The following FSD1L variants were observed in gnomAD, a reference collection of about 807,000 sequenced individuals.
FSD1L encodes FSD1-like protein.
A neutral mutation model predicts 71.6 loss-of-function variants in FSD1L; 45 were observed. The observed-to-expected ratio is 0.63, with a 90% confidence interval of 0.49 to 0.81. The LOEUF is 0.81. Ranked by LOEUF, FSD1L falls within the 30% of genes least tolerant of loss-of-function variation. The pLI, the probability that FSD1L is intolerant of heterozygous loss-of-function variation, is 0.00. For missense variants in FSD1L, 561 were observed against 618.1 expected (o/e 0.91, Z 0.98); for synonymous variants, 197 against 207.2 (o/e 0.95, Z 0.42).
chr9:105,526,125 T>C, intron 10 of FSD1L: 1 of 1,558,644 alleles, frequency 6.4e-7, no homozygotes, highest in Non-Finnish European at 8.8e-7. Flanking sequence ...CCCTTTTTGA[T>C]GGTGCTATTG....
chr9:105,547,212 C>T lies in FSD1L; in HGVS notation c.*729C>T, dbSNP rs1197647085. 2.1e-4 allele frequency: 32 copies of T among 152,406 alleles called. No individual in the cohort carries two copies. Among genetic ancestry groups the T allele is most frequent in the Admixed American group, 2.1e-3 (32 of 15,244 alleles). 9.4% of individuals were successfully genotyped at this position (152,406 alleles called of 1,614,324 possible). On this transcript the variant is annotated 3_prime_UTR_variant, in exon 14 of 14. Transcript: ENST00000481272. ...TTAACTACAGTTCTTTTCATTCCAT[C>T]ACTTTAGGTGATGGGTAAGATTTTT...
chr9:105,458,813 T>A (rs1300772727), intron 1 of FSD1L, among the ~76,000 whole-genome samples: 1 of 152,198 alleles, frequency 6.6e-6, no homozygotes, highest in East Asian at 1.9e-4. Context: ...CTCCTGCTGC[T>A]ATCACTAGAA....
chr9:105,464,206 A>G (rs748451838), intron 2 of FSD1L, 30 bp from the exon 3 acceptor site: 10 of 1,110,366 alleles, frequency 9.0e-6, no homozygotes, highest in Admixed American at 2.5e-5. Context: ...CCATTGAAAT[A>G]TAGTATTTTA....
intron 9 of FSD1L, 64 bp downstream of exon 9, chr9:105,508,779 T>C (rs1392271229): frequency 2.0e-6 from 2 of 979,152 alleles, no homozygotes; most frequent in Non-Finnish European, 3.0e-6. Flanking sequence ...ATTCATAACT[T>C]TGTAACAGGA....
intron 10 of FSD1L, chr9:105,521,532 G>T: frequency 6.2e-7 from 1 of 1,613,924 alleles, no homozygotes; most frequent in Non-Finnish European, 8.5e-7. Context: ...TTGTGAAGCA[G>T]CAGCTATGAG....
At chr9:105,458,816 C>T (rs1347143456) in intron 1 of FSD1L, among the ~76,000 whole-genome samples, 1 of 152,196 alleles carries the variant, frequency 6.6e-6, no homozygotes, top group Non-Finnish European at 1.5e-5. Flanking sequence ...CTGCTGCTAT[C>T]ACTAGAACCA....
rs139618169 is a variant in FSD1L, at chr9:105,548,868, GT to G, written c.*2391del. 2 of 151,984 alleles carry G rather than the reference GT, an allele frequency of 1.3e-5. No homozygotes were observed. Among genetic ancestry groups the G allele is most frequent in the African/African-American group, 4.8e-5 (2 of 41,410 alleles). 9.4% of individuals were successfully genotyped at this position (151,984 alleles called of 1,614,324 possible). ...CTCTAAAATTAAAGAACAAGATGTG[GT>G]TTTTTGTTTAAGACGTTTTTAGTTT... On this transcript the variant is annotated 3_prime_UTR_variant, in exon 14 of 14. Coordinates refer to ENST00000481272, the MANE Select transcript of FSD1L (RefSeq NM_001145313.3).
At chr9:105,539,426 C>A in intron 13 of FSD1L, 75 bp downstream of exon 13, 1 of 552,492 alleles carries the variant, frequency 1.8e-6, no homozygotes, top group Non-Finnish European at 3.0e-6. Context: ...ATATTCTATA[C>A]TGTATATTTG....
chr9:105,471,724 TTATATATA>T (rs35702574), intron 4 of FSD1L, among the ~76,000 whole-genome samples, 172 bp from the exon 5 acceptor site: 10 of 143,330 alleles, frequency 7.0e-5, no homozygotes, highest in African/African-American at 2.5e-4. Context: ...ATAACACGTT[TTATATATA>T]TATATATATA....
chr9:105,522,371 A>T, intron 10 of FSD1L: 1 of 1,614,126 alleles, frequency 6.2e-7, no homozygotes, highest in Non-Finnish European at 8.5e-7. Context: ...TTGGACATGA[A>T]TTTCAGAAAG....
intron 13 of FSD1L, among the ~76,000 whole-genome samples, chr9:105,539,705 A>G (rs1018662459): frequency 6.6e-6 from 1 of 152,020 alleles, no homozygotes; most frequent in East Asian, 1.9e-4. Context: ...TTAGCACTGT[A>G]TTGACTTTTA....
rs116485455 is a variant in FSD1L, at chr9:105,480,973, A to G, written c.464+1597A>G. Among the ~76,000 whole-genome samples, 1,397 of 152,158 alleles carry G rather than the reference A, an allele frequency of 9.2e-3. 22 individuals are homozygous for G. The highest frequency in any genetic ancestry group is 0.032 in the African/African-American group (1,338 of 41,484). On this transcript the variant is annotated intron_variant, in intron 6 of 13. Coordinates refer to ENST00000481272, the MANE Select transcript of FSD1L (RefSeq NM_001145313.3). ...ATCACAGAATCTTGTCTGTATCCTTAAACTCTTTGTCTTTGCCCAGATTTG... is the reference window on the plus strand; with the variant it reads ...ATCACAGAATCTTGTCTGTATCCTTGAACTCTTTGTCTTTGCCCAGATTTG...
intron 12 of FSD1L, among the ~76,000 whole-genome samples, chr9:105,537,469 G>A (rs1223448808): frequency 6.6e-6 from 1 of 151,670 alleles, no homozygotes; most frequent in Non-Finnish European, 1.5e-5. Context: ...GACAACATTT[G>A]CTTCTTCTCT....
chr9:105,484,780 A>G (rs1832427341), intron 7 of FSD1L, among the ~76,000 whole-genome samples: 1 of 152,144 alleles, frequency 6.6e-6, no homozygotes, highest in Non-Finnish European at 1.5e-5. Flanking sequence ...TCTCAAGGCC[A>G]GACTTCTTAG....
rs542527120 is a variant in FSD1L, at chr9:105,510,786, T to C, written c.896-2021T>C. 7.9e-5 allele frequency among the ~76,000 whole-genome samples: 12 copies of C among 152,236 alleles called. No homozygotes were observed. In the South Asian group the frequency reaches 2.5e-3, roughly 32 times the overall value. Reference sequence around the variant, plus strand: ...ATTAAATTACTAAATCACAAATTATTCTCCAACTTTAATTGATAGCAGCTA... The same window carrying C: ...ATTAAATTACTAAATCACAAATTATCCTCCAACTTTAATTGATAGCAGCTA... On this transcript the variant is annotated intron_variant, in intron 9 of 13. Transcript: ENST00000481272.
At position 105,502,440 on chromosome 9, in the gene FSD1L, A is replaced by T. The variant is rs114229774; in HGVS notation, c.587-3959A>T. Among the ~76,000 whole-genome samples the T allele has an allele frequency of 6.3e-3, 962 of 152,250 alleles. 16 individuals carry two copies. Among genetic ancestry groups the T allele is most frequent in the African/African-American group, 0.022 (913 of 41,542 alleles). On this transcript the variant is annotated intron_variant, in intron 7 of 13. Coordinates refer to ENST00000481272, the MANE Select transcript of FSD1L (RefSeq NM_001145313.3). ...ACTTGGAGAATTTACGTGTTGATTT[A>T]TAGCAGTTGAGGCTTTAACTGTTTT...
At chr9:105,454,677 C>T (rs1830256495) in intron 1 of FSD1L, among the ~76,000 whole-genome samples, 1 of 152,210 alleles carries the variant, frequency 6.6e-6, no homozygotes, top group Non-Finnish European at 1.5e-5. Context: ...AAGGCCACTG[C>T]ACATGGTTAA....
At chr9:105,484,813 G>A (rs1037739492) in intron 7 of FSD1L, among the ~76,000 whole-genome samples, 2 of 151,956 alleles carry the variant, frequency 1.3e-5, no homozygotes, top group African/African-American at 4.8e-5. Flanking sequence ...TTGCTTACTT[G>A]CTATGTAATC....
At chr9:105,466,841 G>A (rs992743446) in intron 3 of FSD1L, among the ~76,000 whole-genome samples, 2 of 152,140 alleles carry the variant, frequency 1.3e-5, no homozygotes, top group African/African-American at 4.8e-5. Context: ...TATCTGGAAA[G>A]AGAGATCTTA....
Sources: allele counts gnomAD v4.1 joint callset (sites outside exome capture counted in the v4.1 genomes callset), GRCh38; gene constraint gnomAD v4.1.1; transcripts MANE v1.5; gene names NCBI Gene and HGNC (gene_info 2026-07-23, HGNC 2026-07-21).